Variants in TTC29 observed in about 807,000 individuals in gnomAD.
TTC29 encodes tetratricopeptide repeat protein 29.
A neutral mutation model predicts 58.1 loss-of-function variants in TTC29; 49 were observed. That is an observed-to-expected ratio of 0.84 (90% CI 0.67 to 1.07). The LOEUF is 1.07. TTC29 is among the 50% of genes least tolerant of loss of function. The probability of loss-of-function intolerance (pLI) is 0.00; values close to 1 mark genes in which losing one functional copy is unlikely to be tolerated. For missense variants in TTC29, 582 were observed against 555.6 expected, an observed-to-expected ratio of 1.05 and a Z score of -0.48; for synonymous variants, 209 against 196.8, an observed-to-expected ratio of 1.06 and a Z score of -0.52.
At chr4:146,898,639 A>G (rs966890750) in intron 6 of TTC29, among the ~76,000 whole-genome samples, 3 of 152,214 alleles carry the variant, frequency 2.0e-5, no homozygotes, top group Non-Finnish European at 4.4e-5. Context: ...TCTGCAGTGA[A>G]CATATTCAGT....
chr4:146,836,893 G>A (rs1728546614), intron 8 of TTC29, among the ~76,000 whole-genome samples: 1 of 152,116 alleles, frequency 6.6e-6, no homozygotes, highest in African/African-American at 2.4e-5. Flanking sequence ...TACACTGTTG[G>A]TGGGAGTGTA....
chr4:146,918,961 T>C (rs1418784511), intron 4 of TTC29, among the ~76,000 whole-genome samples: 1 of 151,234 alleles, frequency 6.6e-6, no homozygotes. Flanking sequence ...AGTAACTGCC[T>C]TTAATGAAAA....
chr4:146,925,991 T>C (rs1352368078), intron 4 of TTC29, among the ~76,000 whole-genome samples: 1 of 152,190 alleles, frequency 6.6e-6, no homozygotes, highest in African/African-American at 2.4e-5. Context: ...AACCTCTCCA[T>C]GCCTTCGTCT....
At chr4:146,801,001 T>C (rs1750176768) in intron 11 of TTC29, among the ~76,000 whole-genome samples, 1 of 152,118 alleles carries the variant, frequency 6.6e-6, no homozygotes, top group Non-Finnish European at 1.5e-5. Context: ...CATTTGAGAA[T>C]GACCTAGCAA....
chr4:146,822,697 G>A (rs1751931614), intron 9 of TTC29, among the ~76,000 whole-genome samples: 3 of 152,126 alleles, frequency 2.0e-5, no homozygotes, highest in African/African-American at 7.2e-5. Context: ...TTCCACATTG[G>A]TTGAACTAAT....
intron 11 of TTC29, among the ~76,000 whole-genome samples, chr4:146,736,207 G>C (rs1744696290): frequency 6.6e-6 from 1 of 151,762 alleles, no homozygotes; most frequent in African/African-American, 2.4e-5. Context: ...AGAGTTCTTT[G>C]GCTCAACCTT....
At chr4:146,757,792 G>C (rs776233406) in intron 11 of TTC29, among the ~76,000 whole-genome samples, 1 of 151,990 alleles carries the variant, frequency 6.6e-6, no homozygotes, top group Non-Finnish European at 1.5e-5. Flanking sequence ...TTACCAAGCT[G>C]CCACTACAAG....
chr4:146,757,996 T>C (rs570021171), intron 11 of TTC29, among the ~76,000 whole-genome samples: 5 of 151,898 alleles, frequency 3.3e-5, no homozygotes, highest in Non-Finnish European at 7.4e-5. Flanking sequence ...CACATCTCAA[T>C]ATTAACATTG....
chr4:146,752,813 A>T (rs1013616516), intron 11 of TTC29, among the ~76,000 whole-genome samples: 2 of 152,212 alleles, frequency 1.3e-5, no homozygotes, highest in African/African-American at 4.8e-5. Context: ...AGGATTCCCT[A>T]TTTAATAAAT....
chr4:146,928,921 C>T (rs73852790), intron 4 of TTC29, among the ~76,000 whole-genome samples: 11,393 of 152,040 alleles, frequency 0.075, 1,453 homozygotes, highest in African/African-American at 0.26. Context: ...AAAATTTAGG[C>T]TTTTTGGAAA....
At chr4:146,737,871 C>T (rs538899018) in intron 11 of TTC29, among the ~76,000 whole-genome samples, 1 of 152,222 alleles carries the variant, frequency 6.6e-6, no homozygotes, top group South Asian at 2.1e-4. Context: ...GGTCCTAAGA[C>T]CAGGGCTGTG....
intron 8 of TTC29, among the ~76,000 whole-genome samples, chr4:146,862,418 C>G (rs541976224): frequency 6.6e-6 from 1 of 152,074 alleles, no homozygotes; most frequent in African/African-American, 2.4e-5. Context: ...GATAATGGAT[C>G]ACTTATGTAA....
intron 11 of TTC29, among the ~76,000 whole-genome samples, chr4:146,771,877 T>G (rs1747760310): frequency 6.6e-6 from 1 of 152,138 alleles, no homozygotes; most frequent in Non-Finnish European, 1.5e-5. Context: ...CAGTGGGATA[T>G]AAGCATTCCC....
chr4:146,847,590 G>A (rs1010161194), intron 8 of TTC29, among the ~76,000 whole-genome samples: 1 of 152,138 alleles, frequency 6.6e-6, no homozygotes, highest in Non-Finnish European at 1.5e-5. Flanking sequence ...TCTTCATCTT[G>A]AGAATTCCTC....
At chr4:146,796,985 G>C (rs747890638) in intron 11 of TTC29, among the ~76,000 whole-genome samples, 2 of 151,896 alleles carry the variant, frequency 1.3e-5, no homozygotes, top group African/African-American at 4.8e-5. Context: ...GCCAGGTAAA[G>C]TTTGTGTAAT....
At chr4:146,799,998 C>T (rs751348894) in intron 11 of TTC29, among the ~76,000 whole-genome samples, 1 of 152,190 alleles carries the variant, frequency 6.6e-6, no homozygotes, top group Admixed American at 6.5e-5. Flanking sequence ...TTCATGGGCT[C>T]TTAAGCCTTC....
In TTC29 at chr4:146,833,860, T is replaced by A. The variant is rs41280533; in HGVS notation, c.923A>T (p.Asp308Val). The A allele has an allele frequency of 9.0e-4, 1,446 of 1,613,170 alleles. 2 individuals carry two copies. The highest frequency in any genetic ancestry group is 1.1e-3 in the Non-Finnish European group (1,307 of 1,179,484). Reference sequence around the variant, plus strand: ...GCCTCTCCCCAGACTGAGATCATCATCCAGGTCTGTGGAGATTTTACAGTA... The same window carrying A: ...GCCTCTCCCCAGACTGAGATCATCAACCAGGTCTGTGGAGATTTTACAGTA... ...DTYCKISTDL[D>V]DDLSLGRGYE... Residue 308 changes from aspartate (D) to valine (V), a missense_variant, in exon 9 of 13, where the codon GAT becomes GTT. Coordinates refer to ENST00000325106, the MANE Select transcript of TTC29 (RefSeq NM_031956.4).
At chr4:146,803,341 T>C (rs1750364191) in intron 11 of TTC29, 116 bp downstream of exon 11, 5 of 757,562 alleles carry the variant, frequency 6.6e-6, no homozygotes, top group African/African-American at 1.8e-5. Context: ...ATCCATAAAA[T>C]TGAAATTACC....
chr4:146,760,895 C>T (rs1319006826), intron 11 of TTC29, among the ~76,000 whole-genome samples: 1 of 148,778 alleles, frequency 6.7e-6, no homozygotes, highest in Non-Finnish European at 1.5e-5. Flanking sequence ...TGGAATACTA[C>T]ACAGCCATAA....
Sources: allele counts gnomAD v4.1 joint callset (sites outside exome capture counted in the v4.1 genomes callset), GRCh38; gene constraint gnomAD v4.1.1; transcripts MANE v1.5; gene names NCBI Gene and HGNC (gene_info 2026-07-23, HGNC 2026-07-21).